Variants in EFCAB6 observed in about 807,000 individuals in gnomAD.
EFCAB6 encodes EF-hand calcium-binding domain-containing protein 6.
Under a neutral mutation model 169.8 loss-of-function variants are expected in EFCAB6, and 156 were observed. The observed-to-expected ratio is 0.92, with a 90% CI of 0.81 to 1.05. The LOEUF is 1.05. Ranked by LOEUF, EFCAB6 falls within the 50% of genes least tolerant of loss-of-function variation. EFCAB6 has a pLI of 0.00. For missense variants in EFCAB6, 1,800 were observed against 1,829.1 expected (o/e 0.98, Z 0.29); for synonymous variants, 698 against 676.4 (o/e 1.03, Z -0.50).
intron 6 of EFCAB6, among the ~76,000 whole-genome samples, chr22:43,753,636 T>C (rs1165720139): frequency 6.6e-6 from 1 of 152,096 alleles, no homozygotes; most frequent in East Asian, 1.9e-4. Flanking sequence ...TGAGCGTCGG[T>C]TGGAGGGTCT....
At chr22:43,565,279 GCTTAGCCC>G (rs2049351901) in intron 26 of EFCAB6, among the ~76,000 whole-genome samples, 1 of 152,244 alleles carries the variant, frequency 6.6e-6, no homozygotes, top group Admixed American at 6.5e-5. Flanking sequence ...AGATGGCAGA[GCTTAGCCC>G]AGCCTAGATC....
intron 2 of EFCAB6, among the ~76,000 whole-genome samples, chr22:43,784,589 A>ATGTATACATACACATATATATG (rs1569487535): frequency 1.7e-4 from 7 of 40,210 alleles, no homozygotes; most frequent in African/African-American, 3.5e-4. Context: ...ACACATATAT[A>ATGTATACATACACATATATATG]TGTATATATA....
At chr22:43,686,750 A>G (rs113628306) in intron 11 of EFCAB6, among the ~76,000 whole-genome samples, 39 of 152,282 alleles carry the variant, frequency 2.6e-4, no homozygotes, top group African/African-American at 8.9e-4. Context: ...TTTACTTTAC[A>G]GTAGAGCACA....
intron 15 of EFCAB6, among the ~76,000 whole-genome samples, chr22:43,671,270 C>T (rs765659465): frequency 6.6e-6 from 1 of 152,062 alleles, no homozygotes. Context: ...GGGGCAATCT[C>T]GGCTCACTGC....
chr22:43,562,294 A>G (rs2049088389), intron 26 of EFCAB6, among the ~76,000 whole-genome samples: 1 of 152,172 alleles, frequency 6.6e-6, no homozygotes, highest in African/African-American at 2.4e-5. Flanking sequence ...AAAATACATG[A>G]AAGAAATAAT....
intron 12 of EFCAB6, 50 bp downstream of exon 12, chr22:43,683,697 A>C (rs748794361): frequency 1.5e-6 from 2 of 1,335,744 alleles, no homozygotes; most frequent in Non-Finnish European, 2.2e-6. Flanking sequence ...GAGTGTTTGC[A>C]TTCTTAGAAA....
chr22:43,568,015 G>A (rs957824326), intron 26 of EFCAB6, among the ~76,000 whole-genome samples: 4 of 152,184 alleles, frequency 2.6e-5, no homozygotes, highest in African/African-American at 9.7e-5. Flanking sequence ...GGCCCATGAT[G>A]TGCCAGGCAC....
At chr22:43,788,827 A>G (rs1334529288) in intron 2 of EFCAB6, among the ~76,000 whole-genome samples, 1 of 152,224 alleles carries the variant, frequency 6.6e-6, no homozygotes, top group Non-Finnish European at 1.5e-5. Flanking sequence ...AGTGGAAACA[A>G]CCCAAACTTC....
intron 23 of EFCAB6, among the ~76,000 whole-genome samples, chr22:43,592,308 A>G (rs975029340): frequency 3.9e-5 from 6 of 152,216 alleles, no homozygotes; most frequent in African/African-American, 1.4e-4. Context: ...CGCTCTGTGC[A>G]TGTATCCCAA....
intron 4 of EFCAB6, among the ~76,000 whole-genome samples, chr22:43,771,585 T>C (rs2061472870): frequency 6.6e-6 from 1 of 152,166 alleles, no homozygotes; most frequent in Non-Finnish European, 1.5e-5. Flanking sequence ...TTTTCTACTT[T>C]TGATCATTAC....
At chr22:43,704,392 A>C (rs966789949) in intron 10 of EFCAB6, among the ~76,000 whole-genome samples, 3 of 152,286 alleles carry the variant, frequency 2.0e-5, no homozygotes, top group Middle Eastern at 3.4e-3. Flanking sequence ...TTGAAACAAA[A>C]GGCTGCTAAT....
At chr22:43,761,064 G>A (rs147934486) in intron 5 of EFCAB6, among the ~76,000 whole-genome samples, 207 of 152,300 alleles carry the variant, frequency 1.4e-3, no homozygotes, top group African/African-American at 4.7e-3. Context: ...GATTACAGGC[G>A]TAAGCCACTG....
intron 25 of EFCAB6, among the ~76,000 whole-genome samples, chr22:43,578,036 G>A (rs370326738): frequency 5.9e-5 from 9 of 152,282 alleles, no homozygotes; most frequent in Admixed American, 6.5e-5. Context: ...GTCATGGGCA[G>A]TAGACATCAC....
chr22:43,808,037 C>T (rs1180250780), intron 2 of EFCAB6, among the ~76,000 whole-genome samples: 2 of 152,168 alleles, frequency 1.3e-5, no homozygotes, highest in Admixed American at 6.5e-5. Context: ...ATACAGTTGT[C>T]GTCCATATCC....
At chr22:43,585,207 T>C (rs772621286) in intron 24 of EFCAB6, among the ~76,000 whole-genome samples, 8 of 151,880 alleles carry the variant, frequency 5.3e-5, no homozygotes, top group Middle Eastern at 3.4e-3. Context: ...AGTGTTCTTA[T>C]GGAAAAAGTA....
At chr22:43,746,281 A>G (rs2060561144) in intron 6 of EFCAB6, among the ~76,000 whole-genome samples, 2 of 152,200 alleles carry the variant, frequency 1.3e-5, no homozygotes, top group South Asian at 4.1e-4. Context: ...CCAAAAATCG[A>G]AAAAGCTTAC....
At chr22:43,728,907 G>A (rs1317450970) in intron 8 of EFCAB6, among the ~76,000 whole-genome samples, 3 of 152,196 alleles carry the variant, frequency 2.0e-5, no homozygotes, top group Non-Finnish European at 4.4e-5. Context: ...AAGCTCTTTA[G>A]TTTAATTAGA....
chr22:43,787,199 G>A (rs2062109381), intron 2 of EFCAB6, among the ~76,000 whole-genome samples: 1 of 152,118 alleles, frequency 6.6e-6, no homozygotes, highest in East Asian at 1.9e-4. Context: ...ACATTATACT[G>A]AAGGTTCTAG....
At chr22:43,589,178 A>G (rs1377227295) in intron 24 of EFCAB6, among the ~76,000 whole-genome samples, 1 of 150,488 alleles carries the variant, frequency 6.6e-6, no homozygotes, top group East Asian at 2.0e-4. Context: ...GTACTTTGGG[A>G]GGCCGAGGTG....
Sources: gnomAD v4.1 joint callset for allele counts (sites outside exome capture counted in the v4.1 genomes callset) on GRCh38, gnomAD v4.1.1 for gene constraint, MANE v1.5 for transcripts, NCBI Gene and HGNC (gene_info 2026-07-23, HGNC 2026-07-21) for gene names.